FGD1: variants seen among roughly 807,000 people sequenced by gnomAD.
The protein encoded by FGD1 is FYVE, RhoGEF and PH domain-containing protein 1.
A neutral mutation model predicts 65.0 loss-of-function variants in FGD1; 12 were observed. That is an observed-to-expected ratio of 0.18 (90% confidence interval 0.12 to 0.30). The LOEUF (loss-of-function observed/expected upper bound fraction) is 0.30. FGD1 is among the 10% of genes least tolerant of loss of function. The pLI is 1.00. For synonymous variants in FGD1, 333 were observed against 343.9 expected (o/e 0.97, Z 0.35); for missense variants, 542 against 837.6 (o/e 0.65, Z 4.36).
chrX:54,488,583 TCAA>T (rs1243557188), intron 1 of FGD1, among the ~76,000 whole-genome samples: 2 of 111,007 alleles, frequency 1.8e-5, no homozygotes, highest in African/African-American at 3.3e-5. Context: ...AGACTCCATC[TCAA>T]CAACAACAAC....
At chrX:54,482,775 GGGAGAT>G (rs1397053590) in intron 1 of FGD1, among the ~76,000 whole-genome samples, 1 of 111,194 alleles carries the variant, frequency 9.0e-6, no homozygotes, top group East Asian at 2.8e-4. Context: ...TGGACATAGA[GGGAGAT>G]GGACAAAAGG....
chrX:54,472,847 G>A (rs1415497190), intron 1 of FGD1, among the ~76,000 whole-genome samples: 6 of 111,244 alleles, frequency 5.4e-5, no homozygotes, highest in Non-Finnish European at 1.9e-5. Context: ...AAGAGCTCCC[G>A]GAGGTACCAC....
chrX:54,451,179 A>G (rs1206065026), intron 12 of FGD1, among the ~76,000 whole-genome samples: 2 of 111,534 alleles, frequency 1.8e-5, no homozygotes, highest in Non-Finnish European at 3.8e-5. Flanking sequence ...TAACGTGTAC[A>G]GTGCTCAGCA....
Position 54,451,032 on chromosome X carries a change from G to C in FGD1, c.2016-731C>G, listed in dbSNP as rs148559756. 3.3e-3 allele frequency among the ~76,000 whole-genome samples: 359 copies of C among 110,287 alleles called. 3 individuals carry two copies. The highest frequency in any genetic ancestry group is 0.011 in the African/African-American group (347 of 30,380). On this transcript the variant is annotated intron_variant, in intron 12 of 17. Coordinates refer to ENST00000375135, the MANE Select transcript of FGD1 (RefSeq NM_004463.3). The stretch of plus-strand genomic sequence containing the variant: ...CCACTGCACTCCAGCCTGGGTGACA[G>C]AGTGAGACTCTGTCTCAAAAAGGAA...
chrX:54,477,880 G>A (rs1479275766), intron 1 of FGD1, among the ~76,000 whole-genome samples: 1 of 111,096 alleles, frequency 9.0e-6, no homozygotes, highest in Non-Finnish European at 1.9e-5. Flanking sequence ...AGCACTTTAG[G>A]AGGCCGAGGT....
intron 1 of FGD1, among the ~76,000 whole-genome samples, chrX:54,480,296 T>C (rs1923115210): frequency 8.9e-6 from 1 of 112,407 alleles, no homozygotes; most frequent in Non-Finnish European, 1.9e-5. Context: ...GAGAGTTCTC[T>C]AAAGGCCCTT....
intron 8 of FGD1, among the ~76,000 whole-genome samples, chrX:54,459,392 G>A (rs934032163): frequency 7.4e-4 from 82 of 111,114 alleles, no homozygotes; most frequent in African/African-American, 2.6e-3. Context: ...GTTTGGAAGC[G>A]TTAGTGGGGC....
At chrX:54,449,316 C>T (rs200748120) in intron 14 of FGD1, 48 bp from the exon 15 acceptor site, 30 of 1,197,898 alleles carry the variant, frequency 2.5e-5, no homozygotes, top group Non-Finnish European at 3.2e-5. Flanking sequence ...CTCCCCAGCC[C>T]AGTCCAGCCA....
Position 54,471,493 on chromosome X carries a change from G to T in FGD1, c.308-6C>A. ...CCGGTTTCCCTGGTGCAGCCCTGCA[G>T]GAAGGGAGAAAATGGGTGTGAAGTA... is the stretch of plus-strand genomic sequence containing the variant. On this transcript the variant is annotated splice_region_variant and splice_polypyrimidine_tract_variant and intron_variant, in intron 1 of 17. Transcript: ENST00000375135. 8.3e-7 allele frequency: 1 copy of T among 1,209,502 alleles called. No homozygotes were observed. The highest frequency in any genetic ancestry group is 1.1e-6 in the Non-Finnish European group (1 of 894,096).
At chrX:54,459,474 C>T (rs753968601) in intron 8 of FGD1, among the ~76,000 whole-genome samples, 1 of 110,371 alleles carries the variant, frequency 9.1e-6, no homozygotes, top group Non-Finnish European at 1.9e-5. Context: ...CAACTGAGGC[C>T]AGGAGTTCCA....
At chrX:54,474,987 C>T (rs981040777) in intron 1 of FGD1, among the ~76,000 whole-genome samples, 17 of 112,244 alleles carry the variant, frequency 1.5e-4, no homozygotes, top group Non-Finnish European at 2.8e-4. Context: ...CAGCAGGGTC[C>T]CTGGATAATG....
chrX:54,495,111 C>CA lies in FGD1; in HGVS notation c.307+14dup. ...CGTGGCCCGGGCTCCCATGCTCTCT[C>CA]AGTCGCTCACTCACCAGGCCGAGGC... On this transcript the variant is annotated intron_variant, in intron 1 of 17. Coordinates refer to ENST00000375135, the MANE Select transcript of FGD1 (RefSeq NM_004463.3). 1 of 1,171,699 alleles carries CA rather than the reference C, an allele frequency of 8.5e-7. No homozygotes were observed.
rs148927324 is a variant in FGD1 at position 54,476,357 on chromosome X, CT to C, written c.308-4871del. On this transcript the variant is annotated intron_variant, in intron 1 of 17. Transcript: ENST00000375135. ...GGTCCTGGATTCATTTTCTCCAGCC[CT>C]TTTTTTTTTTTTTAAGACAGGGTAT... Among the ~76,000 whole-genome samples the C allele has an allele frequency of 8.4e-3, 836 of 99,129 alleles. 2 individuals carry two copies. Among genetic ancestry groups the C allele is most frequent in the Middle Eastern group, 0.026 (5 of 196 alleles). The allele number at this position is 99,129 out of a possible 115,157, so 86.1% of individuals were successfully genotyped here.
Position 54,465,793 on chromosome X carries a change from T to C in FGD1, c.1400A>G (p.Tyr467Cys). The part of the protein sequence containing the change: ...LQKLAPFLKM[Y>C]GEYVKNFDRA... ...GTCAAAGTTCTTCACATACTCACCA[T>C]ACATCTTGAGGAAGGGGGCCAGTTT... The change falls in exon 7 of 18, where the codon TAT becomes TGT. Residue 467 changes from tyrosine to cysteine, a missense_variant. Physicochemically the swap from Tyr to Cys is radical, Grantham distance 194 (BLOSUM62 -2). Around this residue, in one of 6 missense-constraint regions of FGD1, gnomAD observed 41 missense variants for 109.5 expected, o/e 0.37. Coordinates refer to ENST00000375135, the MANE Select transcript of FGD1 (RefSeq NM_004463.3). The C allele has an allele frequency of 8.3e-7, 1 of 1,211,430 alleles. No homozygotes were observed. The highest frequency in any genetic ancestry group is 1.1e-6 in the Non-Finnish European group (1 of 895,370).
intron 1 of FGD1, among the ~76,000 whole-genome samples, chrX:54,481,718 T>C (rs1287184851): frequency 9.4e-6 from 1 of 106,821 alleles, no homozygotes; most frequent in East Asian, 3.0e-4. Flanking sequence ...GTGTGTTTTT[T>C]TTAGGTATAG....
Position 54,455,438 on chromosome X carries a change from G to A in FGD1, c.2015+10C>T. The A allele has an allele frequency of 8.3e-7, 1 of 1,198,366 alleles. No homozygotes were observed. Among genetic ancestry groups the A allele is most frequent in the Non-Finnish European group, 1.1e-6 (1 of 883,174 alleles). On this transcript the variant is annotated intron_variant, in intron 12 of 17. Transcript: ENST00000375135. ...GGCGCTGGAGGAAAGGCATAGGCAA[G>A]GATAAGTACCTGGCCTGGAGCTCGA...
chrX:54,484,183 C>T (rs917867768), intron 1 of FGD1, among the ~76,000 whole-genome samples: 4 of 112,068 alleles, frequency 3.6e-5, no homozygotes, highest in South Asian at 3.7e-4. Context: ...TCCCGTGACC[C>T]GAACTGCTAG....
intron 12 of FGD1, among the ~76,000 whole-genome samples, chrX:54,451,821 G>A (rs1166679139): frequency 9.3e-6 from 1 of 107,650 alleles, no homozygotes; most frequent in African/African-American, 3.4e-5. Context: ...CCTGGGAGGC[G>A]GAGCTTGCAG....
intron 8 of FGD1, among the ~76,000 whole-genome samples, chrX:54,459,415 T>C (rs1922578781): frequency 9.0e-6 from 1 of 110,731 alleles, no homozygotes; most frequent in East Asian, 2.8e-4. Context: ...GGTCTGGGCT[T>C]GGCAGTCTAG....
Sources: gnomAD v4.1 joint callset for allele counts (sites outside exome capture counted in the v4.1 genomes callset) on GRCh38, gnomAD v4.1.1 for gene constraint, gnomAD v4.1.1 regional missense constraint, MANE v1.5 for transcripts, NCBI Gene and HGNC (gene_info 2026-07-23, HGNC 2026-07-21) for gene names.